The following LARGE1 variants were observed in gnomAD, a reference collection of about 807,000 sequenced individuals.
LARGE1 encodes the protein LARGE xylosyl- and glucuronyltransferase 1.
In LARGE1, 43 loss-of-function variants were observed where a neutral mutation model predicts 87.6. That is an observed-to-expected ratio of 0.49 (90% CI 0.38 to 0.63). LARGE1 has a LOEUF of 0.63. Ranked by LOEUF, LARGE1 falls within the 30% of genes least tolerant of loss-of-function variation. The probability of loss-of-function intolerance (pLI) is 0.00; values close to 1 mark genes in which losing one functional copy is unlikely to be tolerated. For synonymous variants in LARGE1, 434 were observed against 394.6 expected (o/e 1.10, Z -1.18); for missense variants, 802 against 1,000.2 (o/e 0.80, Z 2.67).
chr22:33,194,332 T>C (rs1238711823), intron 11 of LARGE1, among the ~76,000 whole-genome samples: 2 of 152,212 alleles, frequency 1.3e-5, no homozygotes, highest in African/African-American at 2.4e-5. Flanking sequence ...GTCCTTAACA[T>C]ATAAACTTAC....
intron 5 of LARGE1, among the ~76,000 whole-genome samples, chr22:33,591,026 C>G (rs2078821736): frequency 6.6e-6 from 1 of 152,166 alleles, no homozygotes; most frequent in Non-Finnish European, 1.5e-5. Context: ...TATGGCAAAA[C>G]CCCGTCTCTA....
chr22:33,397,727 T>A (rs1282103229), intron 7 of LARGE1, among the ~76,000 whole-genome samples: 1 of 152,236 alleles, frequency 6.6e-6, no homozygotes, highest in Non-Finnish European at 1.5e-5. Context: ...TGAGTGTGCA[T>A]GTGCTCAGGT....
At chr22:33,709,399 A>G (rs563101311) in intron 2 of LARGE1, among the ~76,000 whole-genome samples, 35 of 152,252 alleles carry the variant, frequency 2.3e-4, no homozygotes, top group East Asian at 1.4e-3. Flanking sequence ...AACTTACCAG[A>G]GGGTCATGGA....
At chr22:33,100,356 A>C in the LARGE1 span, among the ~76,000 whole-genome samples, 2 of 150,488 alleles carry the variant, frequency 1.3e-5, no homozygotes, top group African/African-American at 4.9e-5. Context: ...TCTCAAAAAA[A>C]AAAAAAAAAA....
intron 1 of LARGE1, among the ~76,000 whole-genome samples, chr22:33,849,733 G>C (rs1255266787): frequency 7.3e-5 from 11 of 151,586 alleles, no homozygotes; most frequent in Non-Finnish European, 1.0e-4. Flanking sequence ...CAAGAAGCTG[G>C]GATTACAGAT....
In LARGE1 at chr22:33,489,423, G is replaced by A. The variant is rs138298822; in HGVS notation, c.788-57158C>T. 7.5e-4 allele frequency among the ~76,000 whole-genome samples: 114 copies of A among 152,304 alleles called. 1 individual carries two copies. Among genetic ancestry groups the A allele is most frequent in the African/African-American group, 1.9e-3 (79 of 41,572 alleles). ...GTGAGGACAATGATATGGTCTGGCT[G>A]TGTCCCCATCCAAATCTCATCTTGA... On this transcript the variant is annotated intron_variant, in intron 6 of 14. Coordinates refer to ENST00000397394, the MANE Select transcript of LARGE1 (RefSeq NM_133642.5).
At chr22:33,858,817 TAAAG>T (rs1397398011) in intron 1 of LARGE1, among the ~76,000 whole-genome samples, 1 of 152,152 alleles carries the variant, frequency 6.6e-6, no homozygotes, top group African/African-American at 2.4e-5. Context: ...ATAAGCTAGA[TAAAG>T]AAAACGTGGC....
the LARGE1 span, among the ~76,000 whole-genome samples, chr22:33,117,860 G>A: frequency 6.6e-6 from 1 of 152,132 alleles, no homozygotes; most frequent in Non-Finnish European, 1.5e-5. Context: ...CAAAATGCTG[G>A]TGGCACTACT....
intron 7 of LARGE1, among the ~76,000 whole-genome samples, chr22:33,421,537 G>C (rs1364598387): frequency 4.6e-5 from 7 of 152,306 alleles, no homozygotes; most frequent in African/African-American, 1.7e-4. Context: ...CAAGAGGCCA[G>C]ACATACTGCA....
chr22:33,581,203 A>G (rs1344247960), intron 5 of LARGE1, among the ~76,000 whole-genome samples: 1 of 152,190 alleles, frequency 6.6e-6, no homozygotes, highest in African/African-American at 2.4e-5. Flanking sequence ...GGAGAGTTAA[A>G]ATTTGCCCCT....
At chr22:33,515,973 A>G (rs1270094101) in intron 6 of LARGE1, among the ~76,000 whole-genome samples, 1 of 152,188 alleles carries the variant, frequency 6.6e-6, no homozygotes, top group Non-Finnish European at 1.5e-5. Context: ...TCCGGGAGTG[A>G]GCAACGCCAC....
intron 9 of LARGE1, among the ~76,000 whole-genome samples, chr22:33,355,307 T>C (rs1240026871): frequency 6.6e-6 from 1 of 152,220 alleles, no homozygotes. Context: ...GAAACTTCTG[T>C]ATCCCCTGTT....
intron 6 of LARGE1, among the ~76,000 whole-genome samples, chr22:33,551,251 T>C (rs375772735): frequency 6.6e-6 from 1 of 152,224 alleles, no homozygotes; most frequent in Non-Finnish European, 1.5e-5. Flanking sequence ...AGTGCCAACA[T>C]GGAGAAACCC....
Position 33,757,553 on chromosome 22 carries a change from A to G in LARGE1, c.106+3818T>C, listed in dbSNP as rs148046362. 3.4e-3 allele frequency among the ~76,000 whole-genome samples: 516 copies of G among 152,270 alleles called. 1 individual carries two copies. Among genetic ancestry groups the G allele is most frequent in the Non-Finnish European group, 4.2e-3 (283 of 68,018 alleles). On this transcript the variant is annotated intron_variant, in intron 2 of 14. Transcript: ENST00000397394. ...TGACCCCCTCCAGGGCTCTCTCAAT[A>G]TATCATGCTGCGGCGTGTAATCCAA...
intron 6 of LARGE1, among the ~76,000 whole-genome samples, chr22:33,496,851 T>C (rs573422623): frequency 7.9e-5 from 12 of 152,252 alleles, no homozygotes; most frequent in African/African-American, 2.6e-4. Flanking sequence ...TACATGGGCA[T>C]CTGTTCTCTT....
chr22:33,634,421 T>A (rs2080204427), intron 3 of LARGE1, among the ~76,000 whole-genome samples: 1 of 152,132 alleles, frequency 6.6e-6, no homozygotes, highest in African/African-American at 2.4e-5. Context: ...GAAGAGACTC[T>A]ATAGTAAAAA....
rs893374576 is a variant in LARGE1, at chr22:33,521,054, T to C, written c.787+43794A>G. 2.0e-5 allele frequency among the ~76,000 whole-genome samples: 3 copies of C among 152,254 alleles called. No individual in the cohort carries two copies. The East Asian group carries it at 5.8e-4, about 29-fold the overall frequency. The stretch of plus-strand genomic sequence containing the variant: ...AAAGAGGAGCCTGGATGAGTGTATT[T>C]TGGCACTGTTGCCTGGTTGCAAAAT... On this transcript the variant is annotated intron_variant, in intron 6 of 14. Transcript: ENST00000397394.
intron 11 of LARGE1, among the ~76,000 whole-genome samples, chr22:33,214,740 A>C (rs1925124447): frequency 6.6e-6 from 1 of 152,138 alleles, no homozygotes; most frequent in African/African-American, 2.4e-5. Flanking sequence ...TTCAGGTTCC[A>C]TTTTCGAGGG....
intron 2 of LARGE1, among the ~76,000 whole-genome samples, chr22:33,745,813 G>A (rs1374717864): frequency 2.0e-5 from 3 of 152,108 alleles, no homozygotes; most frequent in African/African-American, 7.2e-5. Flanking sequence ...GAGCCTGGGT[G>A]GAAGTTCCGA....
Sources: gnomAD v4.1 joint callset for allele counts (sites outside exome capture counted in the v4.1 genomes callset) on GRCh38, gnomAD v4.1.1 for gene constraint, MANE v1.5 for transcripts, NCBI Gene and HGNC (gene_info 2026-07-23, HGNC 2026-07-21) for gene names.